Variants in SMAD2 observed in about 807,000 individuals in gnomAD.
The protein encoded by SMAD2 is MAD homolog 2.
Under a neutral mutation model 64.4 loss-of-function variants are expected in SMAD2, and 8 were observed. The ratio of observed to expected loss-of-function variants is 0.12; its 90% CI spans 0.07 to 0.22. SMAD2 has a LOEUF of 0.22. Among genes scored for constraint, SMAD2 ranks in the 10% least tolerant of loss-of-function variants. The pLI is 1.00. For synonymous variants in SMAD2, 203 were observed against 195.8 expected (o/e 1.04, Z -0.31); for missense variants, 289 against 561.2 (o/e 0.51, Z 4.90).
rs1913907050 is a variant in SMAD2, at chr18:47,841,119, G to C, written c.*708C>G. On this transcript the variant is annotated 3_prime_UTR_variant, in exon 11 of 11. Coordinates refer to ENST00000262160, the MANE Select transcript of SMAD2 (RefSeq NM_005901.6). ...GAGGCTTGGAAAGGTTTTCAGTATG[G>C]TTTCCTTATAATAAGATTTAGCAGT... 1 of 229,500 alleles carries C rather than the reference G, an allele frequency of 4.4e-6. No homozygotes were observed. Among genetic ancestry groups the C allele is most frequent in the South Asian group, 1.8e-4 (1 of 5,454 alleles). 14.2% of individuals were successfully genotyped at this position (229,500 alleles called of 1,614,324 possible).
chr18:47,915,825 C>A (rs1335658479), intron 1 of SMAD2, among the ~76,000 whole-genome samples: 1 of 152,190 alleles, frequency 6.6e-6, no homozygotes, highest in Non-Finnish European at 1.5e-5. Flanking sequence ...TCCACCTTCC[C>A]CCGTCAGGCA....
rs1912979911 is a variant in SMAD2 at position 47,831,271 on chromosome 18, G to A, written c.*10556C>T. The A allele has an allele frequency of 6.6e-6, 1 of 152,166 alleles. No individual in the cohort carries two copies. Among genetic ancestry groups the A allele is most frequent in the South Asian group, 2.1e-4 (1 of 4,828 alleles). 9.4% of individuals were successfully genotyped at this position (152,166 alleles called of 1,614,324 possible). ...ACCGTCCAGTTTTCATGTATATCCA[G>A]ACACACAGGTGAGAGTTCTGTTCCA... On this transcript the variant is annotated 3_prime_UTR_variant, in exon 11 of 11. Coordinates refer to ENST00000262160, the MANE Select transcript of SMAD2 (RefSeq NM_005901.6).
chr18:47,840,713 C>A lies in SMAD2; in HGVS notation c.*1114G>T. On this transcript the variant is annotated 3_prime_UTR_variant, in exon 11 of 11. Coordinates refer to ENST00000262160, the MANE Select transcript of SMAD2 (RefSeq NM_005901.6). ...CCCATTTCATAATGCAATCTGGTTACTAAACCAAATCAAACTACTCGAAGA... is the reference window on the plus strand; with the variant it reads ...CCCATTTCATAATGCAATCTGGTTAATAAACCAAATCAAACTACTCGAAGA... 4.3e-6 allele frequency: 1 copy of A among 231,312 alleles called. No individual in the cohort carries two copies. Among genetic ancestry groups the A allele is most frequent in the Non-Finnish European group, 8.6e-6 (1 of 116,886 alleles). The allele number at this position is 231,312 out of a possible 1,614,324, so 14.3% of individuals were successfully genotyped here.
chr18:47,909,957 C>T (rs765011857), intron 1 of SMAD2, among the ~76,000 whole-genome samples: 4 of 151,812 alleles, frequency 2.6e-5, no homozygotes, highest in Non-Finnish European at 5.9e-5. Context: ...TGGAAAAGAC[C>T]GTCAATGTTA....
intron 1 of SMAD2, among the ~76,000 whole-genome samples, chr18:47,926,061 A>C (rs1448039155): frequency 1.3e-5 from 2 of 152,242 alleles, no homozygotes; most frequent in African/African-American, 4.8e-5. Flanking sequence ...ACACCAAAGA[A>C]AGGGGTGACA....
rs769241147 is a variant in SMAD2 at position 47,841,819 on chromosome 18, G to C, written c.*8C>G. 1 of 1,614,102 alleles carries C rather than the reference G, an allele frequency of 6.2e-7. No individual in the cohort carries two copies. The highest frequency in any genetic ancestry group is 2.2e-5 in the East Asian group (1 of 44,858). ...TAAGTCTTTTCATGGGACTTGATTG[G>C]TGAAGCTTTATGACATGCTTGAGCA... On this transcript the variant is annotated 3_prime_UTR_variant, in exon 11 of 11. Coordinates refer to ENST00000262160, the MANE Select transcript of SMAD2 (RefSeq NM_005901.6).
chr18:47,880,872 C>T (rs1453442623), intron 2 of SMAD2, among the ~76,000 whole-genome samples: 1 of 152,156 alleles, frequency 6.6e-6, no homozygotes, highest in Non-Finnish European at 1.5e-5. Context: ...GTCTACCGTA[C>T]ACATGTGGGA....
Position 47,827,039 on chromosome 18 carries a change from C to T in SMAD2, c.*14788G>A, listed in dbSNP as rs911399220. 6.6e-6 allele frequency: 1 copy of T among 152,168 alleles called. No individual in the cohort carries two copies. The highest frequency in any genetic ancestry group is 1.5e-5 in the Non-Finnish European group (1 of 68,038). 9.4% of individuals were successfully genotyped at this position (152,168 alleles called of 1,614,324 possible). A position where few individuals can be genotyped will look rare whatever the true frequency, so the allele number is the denominator to read the frequency against. ...CACAATCAGGGTCCAAACCCCAGGC[C>T]TCCGATTCTGAGTCAAACTGCATTT... On this transcript the variant is annotated 3_prime_UTR_variant, in exon 11 of 11. Coordinates refer to ENST00000262160, the MANE Select transcript of SMAD2 (RefSeq NM_005901.6).
Position 47,833,467 on chromosome 18 carries a change from C to A in SMAD2, c.*8360G>T, listed in dbSNP as rs545708188. On this transcript the variant is annotated 3_prime_UTR_variant, in exon 11 of 11. Coordinates refer to ENST00000262160, the MANE Select transcript of SMAD2 (RefSeq NM_005901.6). ...TCATAGAACGAAAGCTCACAAAGAA[C>A]ACATTTAATATCTCCATCACAGTGC... 8 of 228,738 alleles carry A rather than the reference C, an allele frequency of 3.5e-5. No individual in the cohort carries two copies. Among genetic ancestry groups the A allele is most frequent in the African/African-American group, 6.7e-5 (3 of 45,046 alleles). The allele number at this position is 228,738 out of a possible 1,614,324, so 14.2% of individuals were successfully genotyped here. A position where few individuals can be genotyped will look rare whatever the true frequency, so the allele number is the denominator to read the frequency against.
At chr18:47,859,757 G>A (rs1421862236) in intron 6 of SMAD2, among the ~76,000 whole-genome samples, 1 of 152,022 alleles carries the variant, frequency 6.6e-6, no homozygotes, top group African/African-American at 2.4e-5. Flanking sequence ...CAGACAAAAA[G>A]ATGAATACAA....
chr18:47,876,235 T>C (rs1264507639), intron 2 of SMAD2, among the ~76,000 whole-genome samples: 1 of 152,098 alleles, frequency 6.6e-6, no homozygotes, highest in Non-Finnish European at 1.5e-5. Flanking sequence ...CAGGATATTC[T>C]TAAAACTCTC....
Position 47,838,182 on chromosome 18 carries a change from A to T in SMAD2, c.*3645T>A. On this transcript the variant is annotated 3_prime_UTR_variant, in exon 11 of 11. Coordinates refer to ENST00000262160, the MANE Select transcript of SMAD2 (RefSeq NM_005901.6). ...AATTGACAAGGGCACAAAAAAAGTG[A>T]AATTAAAATAATTTTAACAAAAGGG... 1 of 233,120 alleles carries T rather than the reference A, an allele frequency of 4.3e-6. No homozygotes were observed. The highest frequency in any genetic ancestry group is 8.5e-6 in the Non-Finnish European group (1 of 117,718). 14.4% of individuals were successfully genotyped at this position (233,120 alleles called of 1,614,324 possible). A position where few individuals can be genotyped will look rare whatever the true frequency, so the allele number is the denominator to read the frequency against.
At chr18:47,851,750 A>G (rs1036147651) in intron 6 of SMAD2, among the ~76,000 whole-genome samples, 4 of 151,912 alleles carry the variant, frequency 2.6e-5, no homozygotes, top group South Asian at 2.1e-4. Flanking sequence ...GTCTATCTAC[A>G]TATCAATTAG....
At chr18:47,861,534 A>C (rs1210737470) in intron 6 of SMAD2, among the ~76,000 whole-genome samples, 2 of 152,216 alleles carry the variant, frequency 1.3e-5, no homozygotes, top group Non-Finnish European at 2.9e-5. Context: ...AACAGCACTA[A>C]AAGTATAAAA....
At chr18:47,872,372 C>G (rs570721058) in intron 2 of SMAD2, among the ~76,000 whole-genome samples, 2 of 151,848 alleles carry the variant, frequency 1.3e-5, no homozygotes, top group Admixed American at 6.6e-5. Context: ...ATTCAACCAA[C>G]CGTGGATCAA....
At chr18:47,916,146 T>C (rs951379724) in intron 1 of SMAD2, among the ~76,000 whole-genome samples, 1 of 152,224 alleles carries the variant, frequency 6.6e-6, no homozygotes, top group African/African-American at 2.4e-5. Flanking sequence ...TTGTTTTGAG[T>C]AAATACTAAC....
At chr18:47,912,225 A>C (rs2034165619) in intron 1 of SMAD2, 1 of 152,254 alleles carries the variant, frequency 6.6e-6, no homozygotes, top group African/African-American at 2.4e-5. Flanking sequence ...AAATAAGGCC[A>C]GTGCAGATTA....
intron 6 of SMAD2, among the ~76,000 whole-genome samples, chr18:47,858,126 TA>T (rs1260311997): frequency 6.6e-6 from 1 of 151,676 alleles, no homozygotes; most frequent in Non-Finnish European, 1.5e-5. Context: ...ACTATCCAAT[TA>T]AAAAACAAGA....
intron 5 of SMAD2, among the ~76,000 whole-genome samples, chr18:47,866,264 C>T (rs962866481): frequency 6.3e-5 from 8 of 127,418 alleles, no homozygotes; most frequent in African/African-American, 1.5e-4. Flanking sequence ...TGCGGTGAGC[C>T]GAGATCACAC....
Sources: gnomAD v4.1 joint callset for allele counts (sites outside exome capture counted in the v4.1 genomes callset) on GRCh38, gnomAD v4.1.1 for gene constraint, MANE v1.5 for transcripts, NCBI Gene and HGNC (gene_info 2026-07-23, HGNC 2026-07-21) for gene names.